THSD7B: variants seen among roughly 807,000 people sequenced by gnomAD.
THSD7B encodes the protein thrombospondin type-1 domain-containing protein 7B.
Under a neutral mutation model 213.6 loss-of-function variants are expected in THSD7B, and 138 were observed. The ratio of observed to expected loss-of-function variants is 0.65; its 90% confidence interval spans 0.56 to 0.74. The LOEUF is 0.74. Ranked by LOEUF, THSD7B falls within the 30% of genes least tolerant of loss-of-function variation. The pLI is 0.00. For missense variants in THSD7B, 1,931 were observed against 1,991.5 expected (o/e 0.97, Z 0.58); for synonymous variants, 742 against 687.0 (o/e 1.08, Z -1.25).
At chr2:137,666,541 C>G (rs1683451386) in intron 26 of THSD7B, among the ~76,000 whole-genome samples, 1 of 145,928 alleles carries the variant, frequency 6.9e-6, no homozygotes, top group South Asian at 2.3e-4. Context: ...TTGATTTCCC[C>G]CCCCCATAGA....
intron 14 of THSD7B, among the ~76,000 whole-genome samples, chr2:137,433,798 G>C (rs1687236111): frequency 6.6e-6 from 1 of 151,964 alleles, no homozygotes; most frequent in South Asian, 2.1e-4. Context: ...CATTTTCACT[G>C]TGCAGTTTAA....
chr2:137,284,324 A>G (rs1683114157), intron 12 of THSD7B, among the ~76,000 whole-genome samples: 2 of 151,924 alleles, frequency 1.3e-5, no homozygotes, highest in Admixed American at 6.6e-5. Flanking sequence ...TGATCAATCA[A>G]TTTTGTTGAT....
At chr2:137,289,012 A>G (rs937137640) in intron 12 of THSD7B, among the ~76,000 whole-genome samples, 2 of 151,800 alleles carry the variant, frequency 1.3e-5, no homozygotes, top group Admixed American at 6.6e-5. Context: ...TAACCTCTCA[A>G]TATTCTTATC....
chr2:136,770,136 G>A (rs1274849188), intron 1 of THSD7B, among the ~76,000 whole-genome samples: 1 of 152,184 alleles, frequency 6.6e-6, no homozygotes, highest in East Asian at 1.9e-4. Flanking sequence ...GTTGAGTAAG[G>A]CTCTGAACTT....
intron 12 of THSD7B, among the ~76,000 whole-genome samples, chr2:137,371,298 A>G (rs887016575): frequency 5.3e-5 from 8 of 152,162 alleles, no homozygotes; most frequent in South Asian, 2.1e-4. Context: ...AAATTTTTCT[A>G]ATCACGAATA....
intron 2 of THSD7B, among the ~76,000 whole-genome samples, chr2:136,940,753 T>A (rs1198795941): frequency 1.4e-5 from 2 of 146,588 alleles, no homozygotes; most frequent in Non-Finnish European, 3.0e-5. Flanking sequence ...TTTTTTCTTA[T>A]TCCCATTCTT....
At chr2:137,259,141 A>T (rs953059469) in intron 10 of THSD7B, among the ~76,000 whole-genome samples, 5 of 152,210 alleles carry the variant, frequency 3.3e-5, no homozygotes, top group Non-Finnish European at 5.9e-5. Context: ...TGCTGCAATA[A>T]ACATACATGT....
chr2:137,159,427 C>CA lies in THSD7B; in HGVS notation c.1370-777dup, dbSNP rs35347019. ...TGGGTGACAGGGTGAAACCCTGTCT[C>CA]AAAAAAAAATTAATTAATTAATTAA... is the stretch of plus-strand genomic sequence containing the variant. On this transcript the variant is annotated intron_variant, in intron 5 of 27. Coordinates refer to ENST00000409968, the MANE Select transcript of THSD7B (RefSeq NM_001316349.2). 1.4e-3 allele frequency among the ~76,000 whole-genome samples: 196 copies of CA among 136,446 alleles called. 4 individuals carry two copies. The South Asian group carries it at 0.015, about 10-fold the overall frequency. The allele number at this position is 136,446 out of a possible 152,430, so 89.5% of individuals were successfully genotyped here.
chr2:136,909,004 G>C (rs1473703080), intron 2 of THSD7B, among the ~76,000 whole-genome samples: 1 of 151,928 alleles, frequency 6.6e-6, no homozygotes, highest in African/African-American at 2.4e-5. Context: ...AACATGGCAA[G>C]ACCCAATCTC....
At chr2:137,432,577 T>C (rs148852870) in intron 14 of THSD7B, among the ~76,000 whole-genome samples, 215 of 152,310 alleles carry the variant, frequency 1.4e-3, no homozygotes, top group African/African-American at 4.7e-3. Flanking sequence ...CATGTTTTCC[T>C]AGGATGTTTC....
Position 137,056,764 on chromosome 2 carries a change from T to C in THSD7B, c.484T>C (p.Phe162Leu), listed in dbSNP as rs1476147774. The C allele has an allele frequency of 1.2e-6, 2 of 1,613,852 alleles. No individual in the cohort carries two copies. The highest frequency in any genetic ancestry group is 2.7e-5 in the African/African-American group (2 of 74,906). The stretch of plus-strand genomic sequence containing the variant: ...GGTTGCAAATGAAATATGCGAACAC[T>C]TTGCCCTTCAGCCTCCTACAGAACA... The part of the protein sequence containing the change: ...TVVANEICEH[F>L]ALQPPTEQAC... Residue 162 changes from phenylalanine to leucine, a missense_variant, in exon 3 of 28, where the codon TTT (phenylalanine) becomes CTT (leucine). By Grantham distance (22) the Phe-to-Leu change is conservative. Transcript: ENST00000409968.
chr2:137,182,720 C>G (rs960922152), intron 7 of THSD7B, among the ~76,000 whole-genome samples: 1 of 152,220 alleles, frequency 6.6e-6, no homozygotes, highest in South Asian at 2.1e-4. Context: ...CAGATTGTCT[C>G]CTTCCTGGAC....
chr2:137,017,998 T>C (rs895970917), intron 2 of THSD7B, among the ~76,000 whole-genome samples: 1 of 151,358 alleles, frequency 6.6e-6, no homozygotes, highest in Non-Finnish European at 1.5e-5. Context: ...TTTTTTTTTT[T>C]AAAGCTTCTT....
At chr2:137,154,055 G>T (rs1000446605) in intron 5 of THSD7B, among the ~76,000 whole-genome samples, 5 of 152,090 alleles carry the variant, frequency 3.3e-5, no homozygotes, top group Non-Finnish European at 7.4e-5. Context: ...TGAGGAGGTT[G>T]ATGTTGTATT....
intron 12 of THSD7B, among the ~76,000 whole-genome samples, chr2:137,383,692 T>C (rs777698435): frequency 2.6e-5 from 4 of 152,172 alleles, no homozygotes; most frequent in Non-Finnish European, 5.9e-5. Flanking sequence ...CTGCTAACAC[T>C]GTACATATGG....
chr2:137,579,539 C>CACAT (rs1491559709), intron 17 of THSD7B, among the ~76,000 whole-genome samples: 3 of 151,050 alleles, frequency 2.0e-5, no homozygotes. Context: ...CGCGCGTGCG[C>CACAT]ACACACACAC....
intron 2 of THSD7B, among the ~76,000 whole-genome samples, chr2:136,956,955 G>A (rs1685136681): frequency 6.6e-6 from 1 of 152,090 alleles, no homozygotes; most frequent in Non-Finnish European, 1.5e-5. Context: ...TGGTATTACA[G>A]GCATGAGCCA....
intron 4 of THSD7B, among the ~76,000 whole-genome samples, chr2:137,105,834 A>G (rs1171517012): frequency 2.0e-5 from 3 of 152,214 alleles, no homozygotes; most frequent in African/African-American, 7.2e-5. Flanking sequence ...AATACAACTT[A>G]CAATGGATGT....
chr2:137,126,172 T>G (rs1024482788), intron 5 of THSD7B, among the ~76,000 whole-genome samples: 3 of 152,042 alleles, frequency 2.0e-5, no homozygotes, highest in African/African-American at 4.8e-5. Flanking sequence ...AATGAAAGAG[T>G]CAGCCTATCT....
Sources: gnomAD v4.1 joint callset for allele counts (sites outside exome capture counted in the v4.1 genomes callset) on GRCh38, gnomAD v4.1.1 for gene constraint, MANE v1.5 for transcripts, NCBI Gene and HGNC (gene_info 2026-07-23, HGNC 2026-07-21) for gene names.